The following CC2D2A variants were observed in gnomAD, a reference collection of about 807,000 sequenced individuals.
The protein encoded by CC2D2A is coiled-coil and C2 domain-containing protein 2A.
A neutral mutation model predicts 212.9 loss-of-function variants in CC2D2A; 155 were observed. The observed-to-expected ratio is 0.73, with a 90% confidence interval of 0.64 to 0.83. The LOEUF (loss-of-function observed/expected upper bound fraction) is 0.83. Among genes scored for constraint, CC2D2A ranks in the 40% least tolerant of loss-of-function variants. The pLI, the probability that CC2D2A is intolerant of heterozygous loss-of-function variation, is 0.00. For missense variants in CC2D2A, 1,856 were observed against 1,956.2 expected, an observed-to-expected ratio of 0.95 and a Z score of 0.97; for synonymous variants, 667 against 686.5, an observed-to-expected ratio of 0.97 and a Z score of 0.44.
intron 6 of CC2D2A, among the ~76,000 whole-genome samples, chr4:15,506,954 T>C (rs1173917415): frequency 2.6e-5 from 4 of 151,462 alleles, no homozygotes; most frequent in Non-Finnish European, 5.9e-5. Context: ...GGAGGGTGCC[T>C]GTAATCCCAG....
intron 24 of CC2D2A, among the ~76,000 whole-genome samples, chr4:15,567,000 A>T (rs1023338990): frequency 4.6e-5 from 7 of 151,988 alleles, no homozygotes; most frequent in Admixed American, 2.6e-4. Flanking sequence ...AATAAAAATA[A>T]GGCTGGGTGC....
intron 35 of CC2D2A, among the ~76,000 whole-genome samples, chr4:15,598,248 G>A (rs183553764): frequency 2.0e-5 from 3 of 152,150 alleles, no homozygotes; most frequent in Admixed American, 6.5e-5. Flanking sequence ...ACTTTCGTGC[G>A]CAGACCATCT....
intron 29 of CC2D2A, among the ~76,000 whole-genome samples, chr4:15,577,524 A>G (rs1301400743): frequency 6.6e-6 from 1 of 152,086 alleles, no homozygotes; most frequent in Non-Finnish European, 1.5e-5. Context: ...ACTAATCCTT[A>G]AATTCCTGTT....
At chr4:15,486,846 G>T (rs1203054227) in intron 4 of CC2D2A, among the ~76,000 whole-genome samples, 2 of 151,718 alleles carry the variant, frequency 1.3e-5, no homozygotes, top group Non-Finnish European at 2.9e-5. Context: ...CATATGTTGT[G>T]TTTCCATTTT....
intron 11 of CC2D2A, among the ~76,000 whole-genome samples, chr4:15,521,232 G>A (rs1043630769): frequency 1.3e-5 from 2 of 152,100 alleles, no homozygotes; most frequent in Non-Finnish European, 2.9e-5. Context: ...TTAAATGGAG[G>A]AGATATTATA....
chr4:15,552,750 T>C (rs1167752666), intron 18 of CC2D2A, among the ~76,000 whole-genome samples: 1 of 152,256 alleles, frequency 6.6e-6, no homozygotes, highest in Non-Finnish European at 1.5e-5. Flanking sequence ...CCTGCAATAG[T>C]GCCTGGCATG....
intron 11 of CC2D2A, chr4:15,519,510 C>T (rs1485255252): frequency 2.2e-6 from 1 of 450,008 alleles, no homozygotes; most frequent in East Asian, 7.0e-5. Context: ...TTCAGTAGTA[C>T]TGCACTTCTG....
At chr4:15,502,039 C>T (rs914402830) in intron 4 of CC2D2A, among the ~76,000 whole-genome samples, 13 of 152,164 alleles carry the variant, frequency 8.5e-5, no homozygotes, top group African/African-American at 2.4e-4. Context: ...CCCATTCACC[C>T]GACAAGCCTG....
intron 6 of CC2D2A, among the ~76,000 whole-genome samples, chr4:15,505,188 T>A (rs1154577): frequency 0.13 from 19,246 of 152,240 alleles, 1,351 homozygotes; most frequent in African/African-American, 0.18. Flanking sequence ...AGAAACCAGT[T>A]AGGAATACTT....
At chr4:15,579,572 T>C (rs1720563364) in intron 29 of CC2D2A, among the ~76,000 whole-genome samples, 1 of 152,190 alleles carries the variant, frequency 6.6e-6, no homozygotes, top group African/African-American at 2.4e-5. Context: ...TATGAGATGT[T>C]AGATTTTCTG....
chr4:15,586,489 T>C (rs908238940), intron 31 of CC2D2A, among the ~76,000 whole-genome samples: 3 of 152,246 alleles, frequency 2.0e-5, no homozygotes, highest in African/African-American at 7.2e-5. Context: ...GTCTTAATGC[T>C]GATTTACCCT....
chr4:15,546,067 G>A (rs377114716), intron 17 of CC2D2A, among the ~76,000 whole-genome samples: 3 of 151,820 alleles, frequency 2.0e-5, no homozygotes, highest in Non-Finnish European at 4.4e-5. Context: ...CCATGATCAC[G>A]CCACTGCACT....
intron 11 of CC2D2A, among the ~76,000 whole-genome samples, chr4:15,524,794 A>G (rs531766760): frequency 6.6e-6 from 1 of 152,284 alleles, no homozygotes; most frequent in Admixed American, 6.5e-5. Flanking sequence ...GCACATGGTG[A>G]GAACATCAAT....
intron 21 of CC2D2A, among the ~76,000 whole-genome samples, chr4:15,558,613 G>A (rs1348423151): frequency 1.3e-5 from 2 of 151,930 alleles, no homozygotes; most frequent in Admixed American, 1.3e-4. Context: ...TGTCCCCCGA[G>A]CCTGAGTTAG....
Position 15,555,172 on chromosome 4 carries a change from A to G in CC2D2A, c.2587A>G (p.Asn863Asp), listed in dbSNP as rs1719215081. 6.2e-7 allele frequency: 1 copy of G among 1,613,818 alleles called. No individual in the cohort carries two copies. Among genetic ancestry groups the G allele is most frequent in the African/African-American group, 1.3e-5 (1 of 74,912 alleles). Residue 863 changes from asparagine (N) to aspartate (D), a missense_variant, in exon 20 of 37, where the codon AAT becomes GAT. Around this residue, in one of 5 missense-constraint regions of CC2D2A, gnomAD observed 1,512 missense variants for 1,579.3 expected, o/e 0.96. Transcript: ENST00000424120. ...KWAAESKLDP[N>D]DPNNAPLMQL... The stretch of plus-strand genomic sequence containing the variant: ...GGCAGCAGAGTCCAAGCTCGACCCA[A>G]ATGACCCCAACAATGCCCCTTTGAT...
intron 17 of CC2D2A, among the ~76,000 whole-genome samples, chr4:15,542,873 G>C (rs547420506): frequency 2.0e-5 from 3 of 152,120 alleles, no homozygotes. Context: ...ATCAAGCCCC[G>C]CCTAGATCTC....
At chr4:15,600,022 G>GT (rs1032247701) in intron 36 of CC2D2A, among the ~76,000 whole-genome samples, 1 of 152,164 alleles carries the variant, frequency 6.6e-6, no homozygotes, top group Non-Finnish European at 1.5e-5. Flanking sequence ...CTCTAGAGCA[G>GT]TTTTTTTAAG....
At chr4:15,470,684 TC>T (rs1713715040) in intron 1 of CC2D2A, among the ~76,000 whole-genome samples, 1 of 27,852 alleles carries the variant, frequency 3.6e-5, no homozygotes, top group African/African-American at 9.3e-5. Flanking sequence ...TCTCTCTCTC[TC>T]TCTCTATATA....
chr4:15,540,909 G>A lies in CC2D2A; in HGVS notation c.2076G>A (p.Glu692=). ...VYLKVLFNNK[E]VSRTVSRPLG... Reference sequence around the variant, plus strand: ...TAAAAGTGCTGTTCAACAACAAGGAGGTGTCCAGGACAGTCAGTCGGCCAC... The same window carrying A: ...TAAAAGTGCTGTTCAACAACAAGGAAGTGTCCAGGACAGTCAGTCGGCCAC... Residue 692 remains glutamate (E), a synonymous_variant, in exon 17 of 37, where the codon GAG becomes GAA. Transcript: ENST00000424120. The A allele has an allele frequency of 6.3e-7, 1 of 1,587,294 alleles. No individual in the cohort carries two copies. Among genetic ancestry groups the A allele is most frequent in the Middle Eastern group, 1.7e-4 (1 of 6,040 alleles).
Sources: allele counts gnomAD v4.1 joint callset (sites outside exome capture counted in the v4.1 genomes callset), GRCh38; gene constraint gnomAD v4.1.1; regional missense constraint gnomAD v4.1.1; transcripts MANE v1.5; gene names NCBI Gene and HGNC (gene_info 2026-07-23, HGNC 2026-07-21).